Variants in HPD observed in about 807,000 individuals in gnomAD.
HPD encodes the protein 4-hydroxyphenylpyruvate dioxygenase.
Under a neutral mutation model 56.9 loss-of-function variants are expected in HPD, and 35 were observed. The observed-to-expected ratio is 0.62, with a 90% confidence interval of 0.47 to 0.82. HPD has a LOEUF of 0.82. Ranked by LOEUF, HPD falls within the 40% of genes least tolerant of loss-of-function variation. The pLI, the probability that HPD is intolerant of heterozygous loss-of-function variation, is 0.00. For missense variants in HPD, 442 were observed against 506.8 expected (o/e 0.87, Z 1.23); for synonymous variants, 186 against 200.2 (o/e 0.93, Z 0.60).
At chr12:121,881,666 G>C in the HPD span, among the ~76,000 whole-genome samples, 2 of 151,320 alleles carry the variant, frequency 1.3e-5, no homozygotes, top group African/African-American at 4.8e-5. Context: ...GTTTTGTTTT[G>C]AGATGGAGTC....
upstream of HPD, among the ~76,000 whole-genome samples, chr12:121,859,531 G>T (rs1878122193): frequency 6.6e-6 from 1 of 152,142 alleles, no homozygotes; most frequent in Admixed American, 6.6e-5. Context: ...CATGAACCGG[G>T]CTATTCTAAC....
the HPD span, among the ~76,000 whole-genome samples, chr12:121,875,726 G>A: frequency 5.3e-5 from 8 of 151,968 alleles, no homozygotes; most frequent in African/African-American, 9.7e-5. Context: ...GCACCTGGCC[G>A]GTATGGTCAA....
chr12:121,886,397 C>T, the HPD span, among the ~76,000 whole-genome samples: 16 of 149,366 alleles, frequency 1.1e-4, no homozygotes, highest in Non-Finnish European at 7.4e-5. Flanking sequence ...CGTGAGCCAC[C>T]GCGCCTGGCC....
intron 11 of HPD, 150 bp from the exon 12 acceptor site, chr12:121,843,982 T>C: frequency 1.2e-6 from 1 of 829,634 alleles, no homozygotes; most frequent in Non-Finnish European, 2.0e-6. Flanking sequence ...CTTTCTTCTC[T>C]GTCATGGGCC....
At chr12:121,866,973 C>T (rs78539168), upstream of HPD, among the ~76,000 whole-genome samples, 194 of 152,196 alleles carry the variant, frequency 1.3e-3, 5 homozygotes, top group East Asian at 0.035. Context: ...ATTTTCTTTC[C>T]TTACAGCTTT....
the HPD span, among the ~76,000 whole-genome samples, chr12:121,869,397 A>G: frequency 6.7e-6 from 1 of 149,342 alleles, no homozygotes; most frequent in South Asian, 2.1e-4. Context: ...GGGTCTCACT[A>G]TGTTGCCCAG....
intron 11 of HPD, among the ~76,000 whole-genome samples, chr12:121,844,247 GT>G (rs377475038): frequency 6.6e-6 from 1 of 151,994 alleles, no homozygotes; most frequent in African/African-American, 2.4e-5. Context: ...GTTTCACCAT[GT>G]TAGCCAGGTT....
upstream of HPD, among the ~76,000 whole-genome samples, chr12:121,863,771 C>A (rs375106030): frequency 2.0e-5 from 3 of 150,968 alleles, no homozygotes; most frequent in African/African-American, 7.3e-5. Flanking sequence ...CAGAATGAGA[C>A]CCTGTCTCTA....
the HPD span, among the ~76,000 whole-genome samples, chr12:121,884,329 A>G: frequency 6.6e-6 from 1 of 151,996 alleles, no homozygotes; most frequent in Non-Finnish European, 1.5e-5. Context: ...TGCCCGGCTG[A>G]TTTTTGTATT....
At position 121,857,437 on chromosome 12, in the gene HPD, A is replaced by G; in HGVS notation, c.94-5T>C. ...GCTGCAGTAGAATGACGTGGCCTGAATCACAGGGTTGCAGCAGGGTTCATG... is the reference window on the plus strand; with the variant it reads ...GCTGCAGTAGAATGACGTGGCCTGAGTCACAGGGTTGCAGCAGGGTTCATG... On this transcript the variant is annotated splice_region_variant and splice_polypyrimidine_tract_variant and intron_variant, in intron 3 of 13. Coordinates refer to ENST00000289004, the MANE Select transcript of HPD (RefSeq NM_002150.3). The G allele has an allele frequency of 6.3e-7, 1 of 1,598,862 alleles. No individual in the cohort carries two copies. Among genetic ancestry groups the G allele is most frequent in the Non-Finnish European group, 8.6e-7 (1 of 1,165,962 alleles).
chr12:121,844,233 T>TG (rs1398629810), intron 11 of HPD, among the ~76,000 whole-genome samples: 1 of 151,890 alleles, frequency 6.6e-6, no homozygotes, highest in Non-Finnish European at 1.5e-5. Context: ...TTAGTAGAGA[T>TG]GGGGTTTCAC....
rs149381162 is a variant in HPD, at chr12:121,856,190, A to G, written c.324+134T>C. 597 of 756,196 alleles carry G rather than the reference A, an allele frequency of 7.9e-4. 1 individual carries two copies. The highest frequency in any genetic ancestry group is 2.3e-3 in the Middle Eastern group (10 of 4,424). The allele number at this position is 756,196 out of a possible 1,614,324, so 46.8% of individuals were successfully genotyped here. Reference sequence around the variant, plus strand: ...TCTGGGCTTGTCACTGTGATGCAGCATCTGAGCTTGTCACTGTGATGTGGC... The same window carrying G: ...TCTGGGCTTGTCACTGTGATGCAGCGTCTGAGCTTGTCACTGTGATGTGGC... On this transcript the variant is annotated intron_variant, in intron 6 of 13. Transcript: ENST00000289004.
At chr12:121,886,584 C>CA in the HPD span, among the ~76,000 whole-genome samples, 1 of 152,064 alleles carries the variant, frequency 6.6e-6, no homozygotes, top group Non-Finnish European at 1.5e-5. Flanking sequence ...CATTTTGCCT[C>CA]TTTCTCCCCT....
chr12:121,849,166 A>T (rs1877680991), intron 8 of HPD, 90 bp from the exon 9 acceptor site: 1 of 797,384 alleles, frequency 1.3e-6, no homozygotes. Context: ...AATAGCTCAC[A>T]CTTCTGTTTT....
At chr12:121,878,267 A>G in the HPD span, among the ~76,000 whole-genome samples, 1 of 152,204 alleles carries the variant, frequency 6.6e-6, no homozygotes, top group Non-Finnish European at 1.5e-5. Context: ...ATGAGTATAC[A>G]TGGAGAAGTG....
At position 121,858,686 on chromosome 12, in the gene HPD, C is replaced by T. The variant is rs1878093401; in HGVS notation, c.30+1G>A. ...ACATTTCCCACATTTCGCCTGCTTA[C>T]CTTTGCCCCTTTGTCACTGTAAGTC... On this transcript the variant is annotated splice_donor_variant, in intron 2 of 13. Transcript: ENST00000289004. LOFTEE classifies it high-confidence loss of function. The T allele has an allele frequency of 6.2e-7, 1 of 1,614,124 alleles. No homozygotes were observed. The highest frequency in any genetic ancestry group is 8.5e-7 in the Non-Finnish European group (1 of 1,179,944).
chr12:121,845,904 TG>T (rs1877568962), intron 11 of HPD, among the ~76,000 whole-genome samples: 2 of 152,158 alleles, frequency 1.3e-5, no homozygotes, highest in South Asian at 4.1e-4. Flanking sequence ...ATTTCTTTTT[TG>T]AGGTTGCGGG....
chr12:121,875,994 G>A, the HPD span, among the ~76,000 whole-genome samples: 2 of 152,106 alleles, frequency 1.3e-5, no homozygotes, highest in African/African-American at 4.8e-5. Context: ...CAGCATTGGT[G>A]ATACTAAAAC....
At chr12:121,879,222 T>C in the HPD span, among the ~76,000 whole-genome samples, 2 of 151,698 alleles carry the variant, frequency 1.3e-5, no homozygotes, top group African/African-American at 4.8e-5. Context: ...GAGGCGGAGG[T>C]TGCAATGAGC....
Sources: allele counts gnomAD v4.1 joint callset (sites outside exome capture counted in the v4.1 genomes callset), GRCh38; gene constraint gnomAD v4.1.1; transcripts MANE v1.5; gene names NCBI Gene and HGNC (gene_info 2026-07-23, HGNC 2026-07-21).